The following ITGBL1 variants were observed in gnomAD, a reference collection of about 807,000 sequenced individuals.
The protein encoded by ITGBL1 is integrin beta-like protein 1.
In ITGBL1, 51 loss-of-function variants were observed where a neutral mutation model predicts 68.5. That is an observed-to-expected ratio of 0.74 (90% CI 0.59 to 0.94). ITGBL1 has a LOEUF of 0.94. Among genes scored for constraint, ITGBL1 ranks in the 40% least tolerant of loss-of-function variants. The pLI is 0.00. For missense variants in ITGBL1, 649 were observed against 647.4 expected (o/e 1.00, Z -0.03); for synonymous variants, 209 against 227.3 (o/e 0.92, Z 0.72).
At chr13:101,627,893 T>C (rs748726184) in intron 7 of ITGBL1, among the ~76,000 whole-genome samples, 1 of 152,216 alleles carries the variant, frequency 6.6e-6, no homozygotes, top group Non-Finnish European at 1.5e-5. Flanking sequence ...GCAATTATAA[T>C]GTAGCTGCTG....
chr13:101,567,558 C>A, intron 2 of ITGBL1, 141 bp from the exon 3 acceptor site: 1 of 609,312 alleles, frequency 1.6e-6, no homozygotes, highest in Non-Finnish European at 2.8e-6. Context: ...ATAGCATTAC[C>A]CCTCAGCCAC....
chr13:101,489,293 G>C (rs985213923), intron 2 of ITGBL1, among the ~76,000 whole-genome samples: 1 of 152,160 alleles, frequency 6.6e-6, no homozygotes, highest in Non-Finnish European at 1.5e-5. Flanking sequence ...TTGATAGATG[G>C]ATAAACACAT....
At chr13:101,604,937 T>A (rs1263668654) in intron 7 of ITGBL1, among the ~76,000 whole-genome samples, 1 of 112,370 alleles carries the variant, frequency 8.9e-6, no homozygotes, top group Non-Finnish European at 1.9e-5. Flanking sequence ...TATATACGCA[T>A]GTATATATGT....
rs746953655 is a variant in ITGBL1, at chr13:101,715,564, G to A, written c.1395G>A (p.Gly465=). Residue 465 remains glycine (G), a splice_region_variant and synonymous_variant, in exon 11 of 11, where the codon GGG becomes GGA. Transcript: ENST00000376180. Reference sequence around the variant, plus strand: ...ATACCTATATGTATTTTATTGCAGGGAATGGAATATGTAGCTGTGGAAACT... The same window carrying A: ...ATACCTATATGTATTTTATTGCAGGAAATGGAATATGTAGCTGTGGAAACT... ...CDKHDGLICT[G]NGICSCGNCE... The A allele has an allele frequency of 4.4e-6, 7 of 1,606,646 alleles. No homozygotes were observed. In the African/African-American group the frequency reaches 9.4e-5, roughly 21 times the overall value.
intron 2 of ITGBL1, among the ~76,000 whole-genome samples, chr13:101,564,292 T>C (rs2050146205): frequency 6.6e-6 from 1 of 151,976 alleles, no homozygotes; most frequent in Non-Finnish European, 1.5e-5. Flanking sequence ...AGAATAAGCC[T>C]AGAGTTAGGC....
intron 7 of ITGBL1, among the ~76,000 whole-genome samples, chr13:101,605,173 TGC>T (rs1491137682): frequency 8.3e-5 from 7 of 84,704 alleles, no homozygotes; most frequent in Admixed American, 2.6e-4. Context: ...TGCGTATATA[TGC>T]ACATATAGAC....
chr13:101,708,746 T>C (rs1412815498), intron 9 of ITGBL1, among the ~76,000 whole-genome samples: 3 of 152,238 alleles, frequency 2.0e-5, no homozygotes, highest in Non-Finnish European at 1.5e-5. Context: ...CTTCAATAGA[T>C]GACAGTGTCC....
chr13:101,613,096 C>T (rs1486219409), intron 7 of ITGBL1, among the ~76,000 whole-genome samples: 1 of 152,120 alleles, frequency 6.6e-6, no homozygotes, highest in African/African-American at 2.4e-5. Flanking sequence ...GGACCCTTAA[C>T]TTTGTTATCT....
intron 3 of ITGBL1, among the ~76,000 whole-genome samples, chr13:101,568,453 G>C (rs779777522): frequency 6.6e-6 from 1 of 152,032 alleles, no homozygotes; most frequent in Admixed American, 6.6e-5. Flanking sequence ...GAGTGTTACC[G>C]TAATTAAATA....
At chr13:101,635,229 A>C (rs753212457) in intron 7 of ITGBL1, among the ~76,000 whole-genome samples, 26 of 152,080 alleles carry the variant, frequency 1.7e-4, no homozygotes, top group Non-Finnish European at 3.2e-4. Flanking sequence ...TTTGTGGCAC[A>C]AAATATCCTA....
At chr13:101,542,809 A>G (rs1392907857) in intron 2 of ITGBL1, among the ~76,000 whole-genome samples, 34 of 152,188 alleles carry the variant, frequency 2.2e-4, no homozygotes, top group Admixed American at 9.2e-4. Flanking sequence ...ACTATTGTGT[A>G]ATGGCCTTCT....
chr13:101,678,838 C>T (rs2033569960), intron 7 of ITGBL1, among the ~76,000 whole-genome samples: 1 of 151,964 alleles, frequency 6.6e-6, no homozygotes, highest in African/African-American at 2.4e-5. Context: ...CCAAGAAGTT[C>T]AAAGTGACTA....
intron 6 of ITGBL1, among the ~76,000 whole-genome samples, chr13:101,597,726 T>C (rs2030072601): frequency 6.6e-6 from 1 of 152,008 alleles, no homozygotes; most frequent in Non-Finnish European, 1.5e-5. Context: ...CTAATTTTCA[T>C]ATTTTTAGTA....
At chr13:101,596,178 G>A (rs2029955578) in intron 6 of ITGBL1, among the ~76,000 whole-genome samples, 1 of 151,956 alleles carries the variant, frequency 6.6e-6, no homozygotes, top group Admixed American at 6.6e-5. Context: ...AGTAAAATAA[G>A]CCAGACATAG....
intron 7 of ITGBL1, among the ~76,000 whole-genome samples, chr13:101,600,855 G>A (rs2030327937): frequency 6.6e-6 from 1 of 152,138 alleles, no homozygotes; most frequent in Non-Finnish European, 1.5e-5. Context: ...TTTGATTGAG[G>A]ATTTTTGCAT....
chr13:101,710,644 T>G (rs2034419076), intron 9 of ITGBL1, among the ~76,000 whole-genome samples: 1 of 152,172 alleles, frequency 6.6e-6, no homozygotes, highest in Non-Finnish European at 1.5e-5. Context: ...CTCACCCTGA[T>G]GGTCACAAAA....
intron 5 of ITGBL1, 146 bp downstream of exon 5, chr13:101,579,573 CAACAATCTTTTCTGTCTTGTTTTTT>C (rs2050421492): frequency 3.6e-6 from 3 of 839,034 alleles, no homozygotes; most frequent in Middle Eastern, 3.0e-4. Context: ...TTTACTATCC[CAACAATCTTTTCTGTCTTGTTTTTT>C]ATTGAGTAGA....
intron 2 of ITGBL1, among the ~76,000 whole-genome samples, chr13:101,550,762 A>G (rs567988032): frequency 6.6e-6 from 1 of 152,336 alleles, no homozygotes; most frequent in African/African-American, 2.4e-5. Context: ...TAAACTTCAC[A>G]TTCTTTATCT....
intron 6 of ITGBL1, among the ~76,000 whole-genome samples, chr13:101,587,742 C>G (rs1033229002): frequency 3.3e-5 from 5 of 151,958 alleles, no homozygotes; most frequent in African/African-American, 1.2e-4. Context: ...TGAAATTTGT[C>G]CCTGTGGATT....
Sources: allele counts gnomAD v4.1 joint callset (sites outside exome capture counted in the v4.1 genomes callset), GRCh38; gene constraint gnomAD v4.1.1; transcripts MANE v1.5; gene names NCBI Gene and HGNC (gene_info 2026-07-23, HGNC 2026-07-21).